NECAB2: variants seen among roughly 807,000 people sequenced by gnomAD.
NECAB2 encodes N-terminal EF-hand calcium-binding protein 2.
Under a neutral mutation model 51.9 loss-of-function variants are expected in NECAB2, and 68 were observed. The observed-to-expected ratio is 1.31, with a 90% CI of 1.08 to 1.60. The LOEUF (loss-of-function observed/expected upper bound fraction) is 1.60, where lower values mean the gene tolerates loss of function less well. NECAB2 is among the 40% of genes most tolerant of loss of function. The pLI, the probability that NECAB2 is intolerant of heterozygous loss-of-function variation, is 0.00. For missense variants in NECAB2, 854 were observed against 490.3 expected, an observed-to-expected ratio of 1.74 and a Z score of -7.00; for synonymous variants, 329 against 203.5, an observed-to-expected ratio of 1.62 and a Z score of -5.25.
chr16:83,988,777 G>C (rs2084586375), intron 5 of NECAB2, among the ~76,000 whole-genome samples: 1 of 152,142 alleles, frequency 6.6e-6, no homozygotes, highest in African/African-American at 2.4e-5. Context: ...TTCTCCACCT[G>C]AGCCTTTCCC....
At chr16:84,001,710 C>G (rs1183210767) in intron 11 of NECAB2, 115 bp from the exon 12 acceptor site, 2 of 1,089,332 alleles carry the variant, frequency 1.8e-6, no homozygotes, top group African/African-American at 1.6e-5. Flanking sequence ...GTCCAAAGAC[C>G]CCCCGTGCTT....
intron 1 of NECAB2, 23 bp from the exon 2 acceptor site, chr16:83,972,128 G>C (rs2084356275): frequency 1.2e-6 from 2 of 1,612,890 alleles, no homozygotes; most frequent in Non-Finnish European, 1.7e-6. Context: ...GCCCAGGGCT[G>C]ACTCCGCCTC....
intron 5 of NECAB2, among the ~76,000 whole-genome samples, chr16:83,987,763 G>T (rs1284456015): frequency 6.6e-6 from 1 of 152,078 alleles, no homozygotes; most frequent in Non-Finnish European, 1.5e-5. Context: ...GGCAAACATA[G>T]TTGTCCATAT....
At position 84,002,488 on chromosome 16, in the gene NECAB2, T is replaced by TTCTTTTCAATCCATCCTCCACAA; in HGVS notation, c.*142_*143insTCTTTTCAATCCATCCTCCACAA. 8.8e-7 allele frequency: 1 copy of TTCTTTTCAATCCATCCTCCACAA among 1,139,466 alleles called. No homozygotes were observed. The highest frequency in any genetic ancestry group is 1.3e-6 in the Non-Finnish European group (1 of 777,030). The allele number at this position is 1,139,466 out of a possible 1,614,324, so 70.6% of individuals were successfully genotyped here. On this transcript the variant is annotated 3_prime_UTR_variant, in exon 13 of 13. Transcript: ENST00000305202. ...AAGAAGGTGTTTCCCTGTTGTTAAG[T>TTCTTTTCAATCCATCCTCCACAA]GAAGGAGGCCGCCCCTGCCCCCACC...
intron 8 of NECAB2, among the ~76,000 whole-genome samples, chr16:83,995,861 C>A (rs1407555104): frequency 6.6e-6 from 1 of 152,188 alleles, no homozygotes; most frequent in Non-Finnish European, 1.5e-5. Flanking sequence ...GCGGGAGCGG[C>A]TCGGAGGGGA....
upstream of NECAB2, among the ~76,000 whole-genome samples, chr16:83,966,811 C>T (rs951063357): frequency 2.6e-5 from 4 of 152,226 alleles, no homozygotes; most frequent in South Asian, 8.3e-4. Flanking sequence ...ACACAAACCC[C>T]TCCACTGCCG....
intron 6 of NECAB2, among the ~76,000 whole-genome samples, chr16:83,991,413 C>G (rs1173013650): frequency 2.2e-5 from 3 of 136,256 alleles, no homozygotes; most frequent in Non-Finnish European, 4.5e-5. Flanking sequence ...GTCACCCAGG[C>G]TGGAGTGCAG....
chr16:83,998,754 GGA>G (rs2084759571), intron 10 of NECAB2, among the ~76,000 whole-genome samples: 1 of 152,164 alleles, frequency 6.6e-6, no homozygotes, highest in South Asian at 2.1e-4. Context: ...AGGAAGGAGA[GGA>G]GAGTCGGTAG....
At chr16:83,995,881 C>G (rs1178404474) in intron 8 of NECAB2, among the ~76,000 whole-genome samples, 2 of 152,170 alleles carry the variant, frequency 1.3e-5, no homozygotes, top group Non-Finnish European at 2.9e-5. Context: ...ACCCCGTGGC[C>G]CGGTTGTCAT....
intron 5 of NECAB2, among the ~76,000 whole-genome samples, chr16:83,988,757 G>C (rs1459837904): frequency 6.6e-6 from 1 of 152,140 alleles, no homozygotes; most frequent in Non-Finnish European, 1.5e-5. Flanking sequence ...TTGTCCACTG[G>C]ATGCAAAATT....
At chr16:84,001,590 T>G (rs111438710) in intron 11 of NECAB2, among the ~76,000 whole-genome samples, 1 of 151,886 alleles carries the variant, frequency 6.6e-6, no homozygotes, top group African/African-American at 2.4e-5. Flanking sequence ...GTGCAATGAG[T>G]GGGGGGATCC....
At chr16:84,000,071 TTA>T (rs200631197) in intron 10 of NECAB2, among the ~76,000 whole-genome samples, 19 of 126,146 alleles carry the variant, frequency 1.5e-4, no homozygotes, top group African/African-American at 8.3e-4. Context: ...TTTTTTTTTT[TTA>T]AAGAGACAGT....
At position 83,997,195 on chromosome 16, in the gene NECAB2, CTGTG is replaced by C. The variant is rs761350264; in HGVS notation, c.796-18_796-15del. 9.9e-6 allele frequency: 16 copies of C among 1,614,122 alleles called. No homozygotes were observed. Among genetic ancestry groups the C allele is most frequent in the Non-Finnish European group, 1.3e-5 (15 of 1,180,004 alleles). ...GAGTGGGGCTCTGGGTCTAGCATCACTGTGTGCTGGATTGTTTCAGGCACTGTGG... is the reference window on the plus strand; with the variant it reads ...GAGTGGGGCTCTGGGTCTAGCATCACTGCTGGATTGTTTCAGGCACTGTGG... On this transcript the variant is annotated splice_polypyrimidine_tract_variant and intron_variant, in intron 8 of 12. Transcript: ENST00000305202.
At chr16:83,991,904 C>G (rs2084630745) in intron 6 of NECAB2, among the ~76,000 whole-genome samples, 1 of 149,582 alleles carries the variant, frequency 6.7e-6, no homozygotes. Flanking sequence ...ATCCTGCTGT[C>G]TCAGTCTTCC....
chr16:83,986,637 C>T (rs1283000389), intron 5 of NECAB2, among the ~76,000 whole-genome samples: 1 of 151,952 alleles, frequency 6.6e-6, no homozygotes, highest in East Asian at 1.9e-4. Flanking sequence ...TTTAGCCTTC[C>T]AAGTAGCTGG....
At chr16:83,984,387 A>G (rs1567669669) in intron 5 of NECAB2, among the ~76,000 whole-genome samples, 1 of 151,776 alleles carries the variant, frequency 6.6e-6, no homozygotes, top group African/African-American at 2.4e-5. Flanking sequence ...AATCTAAAAC[A>G]TTGTTTGACA....
chr16:83,965,851 C>G, upstream of NECAB2: 1 of 1,613,010 alleles, frequency 6.2e-7, no homozygotes, highest in Non-Finnish European at 8.5e-7. Flanking sequence ...AGAGGAACCC[C>G]ATTGACGTGG....
intron 10 of NECAB2, 25 bp from the exon 11 acceptor site, chr16:84,000,699 T>A (rs1555549968): frequency 6.2e-7 from 1 of 1,611,690 alleles, no homozygotes; most frequent in Non-Finnish European, 8.5e-7. Context: ...TCCAGCCTCC[T>A]CCCCCCGACC....
chr16:83,992,161 T>G (rs1159692087), intron 6 of NECAB2, among the ~76,000 whole-genome samples: 1 of 152,066 alleles, frequency 6.6e-6, no homozygotes, highest in East Asian at 1.9e-4. Context: ...TAGTAGCAAG[T>G]TGAGAGTTTC....
Sources: allele counts gnomAD v4.1 joint callset (sites outside exome capture counted in the v4.1 genomes callset), GRCh38; gene constraint gnomAD v4.1.1; transcripts MANE v1.5; gene names NCBI Gene and HGNC (gene_info 2026-07-23, HGNC 2026-07-21).